Variants in ABL1 observed in about 807,000 individuals in gnomAD.
ABL1 encodes the protein ABL proto-oncogene 1, non-receptor tyrosine kinase.
ABL1 carries 11 observed loss-of-function variants against 94.7 expected under a neutral mutation model. That is an observed-to-expected ratio of 0.12 (90% CI 0.07 to 0.19). The LOEUF is 0.19. Among genes scored for constraint, ABL1 ranks in the 10% least tolerant of loss-of-function variants. The probability of loss-of-function intolerance (pLI) is 1.00; values close to 1 mark genes in which losing one functional copy is unlikely to be tolerated. For missense variants in ABL1, 1,082 were observed against 1,489.4 expected (o/e 0.73, Z 4.50); for synonymous variants, 656 against 622.4 (o/e 1.05, Z -0.80).
Position 130,878,467 on chromosome 9 carries a change from G to A in ABL1, c.1323G>A (p.Pro441=), listed in dbSNP as rs751497466. Residue 441 remains proline (P), a synonymous_variant, in exon 8 of 11, where the codon CCG becomes CCA. Coordinates refer to ENST00000318560, the MANE Select transcript of ABL1 (RefSeq NM_005157.6). ...CTACCTATGGCATGTCCCCTTACCC[G>A]GGAATTGACCTGTCCCAGGTGTATG... The part of the protein sequence containing the change: ...EIATYGMSPY[P]GIDLSQVYEL... 1.4e-5 allele frequency: 22 copies of A among 1,614,078 alleles called. No individual in the cohort carries two copies. The highest frequency in any genetic ancestry group is 1.8e-5 in the Non-Finnish European group (21 of 1,180,030).
intron 1 of ABL1, among the ~76,000 whole-genome samples, chr9:130,750,402 TCC>T (rs1564278751): frequency 1.4e-4 from 1 of 7,256 alleles, no homozygotes; most frequent in African/African-American, 8.4e-4. Flanking sequence ...CTTCCCTTCC[TCC>T]CTCCCTCCCT....
intron 1 of ABL1, among the ~76,000 whole-genome samples, chr9:130,772,269 C>T (rs934208423): frequency 6.6e-6 from 1 of 152,154 alleles, no homozygotes; most frequent in Non-Finnish European, 1.5e-5. Flanking sequence ...AGATATCTCC[C>T]AAACATACAC....
intron 1 of ABL1, among the ~76,000 whole-genome samples, chr9:130,721,684 T>C (rs1297905554): frequency 6.6e-6 from 1 of 152,186 alleles, no homozygotes; most frequent in Non-Finnish European, 1.5e-5. Context: ...CACTCCAATC[T>C]GGGTGACAGA....
intron 1 of ABL1, among the ~76,000 whole-genome samples, chr9:130,761,542 A>AT (rs890572402): frequency 6.6e-6 from 1 of 151,986 alleles, no homozygotes; most frequent in Admixed American, 6.6e-5. Context: ...TCCCCTTTTA[A>AT]TTTTTTCAAA....
intron 1 of ABL1, among the ~76,000 whole-genome samples, chr9:130,770,279 G>A (rs932317479): frequency 2.0e-5 from 3 of 152,112 alleles, no homozygotes; most frequent in African/African-American, 7.2e-5. Context: ...GGCCAAGGCG[G>A]GAGGATCACT....
At chr9:130,733,925 A>G (rs970199947) in intron 1 of ABL1, among the ~76,000 whole-genome samples, 9 of 151,968 alleles carry the variant, frequency 5.9e-5, no homozygotes, top group African/African-American at 1.7e-4. Context: ...TGTGAGGTCT[A>G]TGGTATAGGC....
At chr9:130,766,358 G>A (rs935444391) in intron 1 of ABL1, among the ~76,000 whole-genome samples, 9 of 152,180 alleles carry the variant, frequency 5.9e-5, no homozygotes, top group African/African-American at 1.4e-4. Flanking sequence ...AGACTTCTGC[G>A]TAGGGCCCTG....
At chr9:130,843,398 C>T (rs1188705375) in intron 1 of ABL1, among the ~76,000 whole-genome samples, 1 of 152,170 alleles carries the variant, frequency 6.6e-6, no homozygotes, top group East Asian at 1.9e-4. Context: ...TTGAGCCCTC[C>T]CGACAGCCCA....
At chr9:130,864,543 C>T (rs1345373949) in intron 4 of ABL1, among the ~76,000 whole-genome samples, 1 of 152,220 alleles carries the variant, frequency 6.6e-6, no homozygotes, top group East Asian at 1.9e-4. Context: ...CCACACCCGG[C>T]CCTGGACTTT....
At chr9:130,759,429 T>C (rs1432881495) in intron 1 of ABL1, among the ~76,000 whole-genome samples, 1 of 152,224 alleles carries the variant, frequency 6.6e-6, no homozygotes, top group Non-Finnish European at 1.5e-5. Flanking sequence ...GCGAGTTGTC[T>C]CCAGTGCTTT....
chr9:130,866,242 G>A (rs1450678721), intron 4 of ABL1, among the ~76,000 whole-genome samples: 1 of 152,026 alleles, frequency 6.6e-6, no homozygotes, highest in Non-Finnish European at 1.5e-5. Flanking sequence ...TTTGAACTGG[G>A]GCACTCAGCT....
At chr9:130,811,502 G>A (rs920453551) in intron 1 of ABL1, among the ~76,000 whole-genome samples, 6 of 152,128 alleles carry the variant, frequency 3.9e-5, no homozygotes, top group Admixed American at 1.3e-4. Context: ...GGGAGTGGGA[G>A]AACAAATATA....
chr9:130,863,017 G>T lies in ABL1; in HGVS notation c.804G>T (p.Val268=), dbSNP rs1053187583. 9 of 1,607,194 alleles carry T rather than the reference G, an allele frequency of 5.6e-6. No homozygotes were observed. Among genetic ancestry groups the T allele is most frequent in the Non-Finnish European group, 6.8e-6 (8 of 1,175,118 alleles). ...TGTGGAAGAAATACAGCCTGACGGT[G>T]GCCGTGAAGACCTTGAAGGTAGGCT... The part of the protein sequence containing the change: ...EGVWKKYSLT[V]AVKTLKEDTM... The change falls in exon 4 of 11, where the codon GTG becomes GTT. Residue 268 remains valine, a synonymous_variant. Coordinates refer to ENST00000318560, the MANE Select transcript of ABL1 (RefSeq NM_005157.6). The surrounding 1 kb of genome is among the most constrained non-coding windows in gnomAD (Gnocchi z 4.3).
At chr9:130,772,325 G>A (rs942087130) in intron 1 of ABL1, among the ~76,000 whole-genome samples, 1 of 152,146 alleles carries the variant, frequency 6.6e-6, no homozygotes. Flanking sequence ...CAATTCCCTT[G>A]CCAAGTATTT....
At chr9:130,810,961 T>C (rs557188450) in intron 1 of ABL1, among the ~76,000 whole-genome samples, 1 of 152,300 alleles carries the variant, frequency 6.6e-6, no homozygotes, top group Non-Finnish European at 1.5e-5. Context: ...ACACCAGATT[T>C]CTCATTGGAA....
rs372838676 is a variant in ABL1, at chr9:130,769,329, C to CTTTTTTTTTTTTTTTTTTTTTTTTTTT, written c.136+54896_136+54897insTTTTTTTTTTTTTTTTTTTTTTTTTTT. Among the ~76,000 whole-genome samples the CTTTTTTTTTTTTTTTTTTTTTTTTTTT allele has an allele frequency of 2.0e-4, 17 of 84,320 alleles. 3 individuals carry two copies. The highest frequency in any genetic ancestry group is 2.5e-4 in the Non-Finnish European group (11 of 43,914). 55.3% of individuals were successfully genotyped at this position (84,320 alleles called of 152,430 possible). A position where few individuals can be genotyped will look rare whatever the true frequency, so the allele number is the denominator to read the frequency against. On this transcript the variant is annotated intron_variant, in intron 1 of 10. Coordinates refer to the ABL1 transcript ENST00000372348. ...TGGAGAGCCAAACTATGGCCCTAGTCTTTTTTTTTTTTTTTTTTTTTTGAG... is the reference window on the plus strand; with the variant it reads ...TGGAGAGCCAAACTATGGCCCTAGTCTTTTTTTTTTTTTTTTTTTTTTTTTTTTTTTTTTTTTTTTTTTTTTTTTGAG...
intron 1 of ABL1, among the ~76,000 whole-genome samples, chr9:130,837,140 G>GT (rs1281928345): frequency 6.6e-6 from 1 of 152,190 alleles, no homozygotes; most frequent in African/African-American, 2.4e-5. Context: ...GCTCATCTAG[G>GT]TGGAGTGGGC....
chr9:130,746,532 A>G (rs1314164608), intron 1 of ABL1, among the ~76,000 whole-genome samples: 1 of 150,778 alleles, frequency 6.6e-6, no homozygotes, highest in East Asian at 1.9e-4. Context: ...AGCATCTAGT[A>G]TGTAACCTTT....
intron 1 of ABL1, among the ~76,000 whole-genome samples, chr9:130,811,773 G>T (rs1830209871): frequency 6.6e-6 from 1 of 151,840 alleles, no homozygotes; most frequent in African/African-American, 2.4e-5. Flanking sequence ...GCCGGGCATG[G>T]TGGTGGCACC....
Sources: allele counts gnomAD v4.1 joint callset (sites outside exome capture counted in the v4.1 genomes callset), GRCh38; gene constraint gnomAD v4.1.1; non-coding constraint Gnocchi (gnomAD v3.1); transcripts MANE v1.5; gene names NCBI Gene and HGNC (gene_info 2026-07-23, HGNC 2026-07-21).